EFCAB11: variants seen among roughly 807,000 people sequenced by gnomAD.
The protein encoded by EFCAB11 is EF-hand calcium-binding domain-containing protein 11.
Under a neutral mutation model 23.0 loss-of-function variants are expected in EFCAB11, and 14 were observed. The observed-to-expected ratio is 0.61, with a 90% confidence interval of 0.40 to 0.95. EFCAB11 has a LOEUF of 0.95. Ranked by LOEUF, EFCAB11 falls within the 40% of genes least tolerant of loss-of-function variation. The pLI is 0.00. For synonymous variants in EFCAB11, 65 were observed against 66.6 expected, an observed-to-expected ratio of 0.98 and a Z score of 0.11; for missense variants, 198 against 195.8, an observed-to-expected ratio of 1.01 and a Z score of -0.07.
Position 89,796,290 on chromosome 14 carries a change from TTA to T in EFCAB11, c.*951_*952del. On this transcript the variant is annotated 3_prime_UTR_variant, in exon 6 of 6. Coordinates refer to ENST00000316738, the MANE Select transcript of EFCAB11 (RefSeq NM_145231.4). The stretch of plus-strand genomic sequence containing the variant: ...CAGGGACATTATCTTAGAGAAGTCT[TTA>T]TATGTTTTTTTTTAATTGAAAGTGT... 1 of 152,276 alleles carries T rather than the reference TTA, an allele frequency of 6.6e-6. No individual in the cohort carries two copies. The highest frequency in any genetic ancestry group is 1.5e-5 in the Non-Finnish European group (1 of 68,034). The allele number at this position is 152,276 out of a possible 1,614,324, so 9.4% of individuals were successfully genotyped here. A position where few individuals can be genotyped will look rare whatever the true frequency, so the allele number is the denominator to read the frequency against.
intron 5 of EFCAB11, among the ~76,000 whole-genome samples, chr14:89,809,979 T>C (rs778803750): frequency 2.6e-5 from 4 of 152,242 alleles, no homozygotes; most frequent in Non-Finnish European, 4.4e-5. Flanking sequence ...ACCCGGATTT[T>C]AGAAGTATTT....
At position 89,797,063 on chromosome 14, in the gene EFCAB11, C is replaced by T; in HGVS notation, c.*180G>A. The T allele has an allele frequency of 2.8e-6, 1 of 363,226 alleles. No individual in the cohort carries two copies. 22.5% of individuals were successfully genotyped at this position (363,226 alleles called of 1,614,324 possible). ...TTATTGCATGCCTGTGCCAAAATAT[C>T]TCCCGTAACCCATATATGTGTGTGT... is the stretch of plus-strand genomic sequence containing the variant. On this transcript the variant is annotated 3_prime_UTR_variant, in exon 6 of 6. Transcript: ENST00000316738.
At chr14:89,890,687 C>T (rs955022700) in intron 5 of EFCAB11, among the ~76,000 whole-genome samples, 3 of 152,272 alleles carry the variant, frequency 2.0e-5, no homozygotes, top group African/African-American at 2.4e-5. Context: ...AAAAGAGCTG[C>T]CAGGCCAAAT....
chr14:89,881,604 C>T (rs1888605729), intron 5 of EFCAB11, among the ~76,000 whole-genome samples: 1 of 150,920 alleles, frequency 6.6e-6, no homozygotes, highest in South Asian at 2.1e-4. Context: ...TTCACCACCA[C>T]ACCTGGCTAA....
At chr14:89,806,072 G>C (rs1278041986) in intron 5 of EFCAB11, among the ~76,000 whole-genome samples, 1 of 152,118 alleles carries the variant, frequency 6.6e-6, no homozygotes, top group Non-Finnish European at 1.5e-5. Flanking sequence ...AGAGGCTATT[G>C]AGGGAACTAA....
Position 89,927,910 on chromosome 14 carries a change from A to T in EFCAB11, c.410+3631T>A, listed in dbSNP as rs958401711. Among the ~76,000 whole-genome samples, 5 of 152,056 alleles carry T rather than the reference A, an allele frequency of 3.3e-5. 1 individual carries two copies. Among genetic ancestry groups the T allele is most frequent in the Admixed American group, 1.3e-4 (2 of 15,268 alleles). The stretch of plus-strand genomic sequence containing the variant: ...CTAATTCTTGTACTTTTTAGTATAG[A>T]TGGAGTTTCGCCATGTTGGCCAGGC... On this transcript the variant is annotated intron_variant, in intron 5 of 5. Coordinates refer to ENST00000316738, the MANE Select transcript of EFCAB11 (RefSeq NM_145231.4).
chr14:89,931,943 G>A (rs1356235561), intron 4 of EFCAB11, among the ~76,000 whole-genome samples: 1 of 152,136 alleles, frequency 6.6e-6, no homozygotes, highest in Non-Finnish European at 1.5e-5. Flanking sequence ...GTTAGACTTT[G>A]AGTCTTTGCG....
intron 3 of EFCAB11, among the ~76,000 whole-genome samples, chr14:89,937,514 T>C (rs1890626279): frequency 6.6e-6 from 1 of 152,124 alleles, no homozygotes; most frequent in East Asian, 1.9e-4. Flanking sequence ...ATGGACTCTC[T>C]TCATGTTCTA....
At chr14:89,805,769 T>C (rs1885947970) in intron 5 of EFCAB11, among the ~76,000 whole-genome samples, 1 of 152,126 alleles carries the variant, frequency 6.6e-6, no homozygotes, top group Admixed American at 6.6e-5. Context: ...GAAATGGATT[T>C]TCTGCTACTT....
At chr14:89,907,619 T>C (rs1298632226) in intron 5 of EFCAB11, among the ~76,000 whole-genome samples, 1 of 152,210 alleles carries the variant, frequency 6.6e-6, no homozygotes, top group East Asian at 1.9e-4. Context: ...GAAACTGAAC[T>C]GGAAAGGCCT....
chr14:89,875,745 G>A lies in EFCAB11; in HGVS notation c.410+55796C>T, dbSNP rs1312586958. On this transcript the variant is annotated intron_variant, in intron 5 of 5. Transcript: ENST00000316738. Reference sequence around the variant, plus strand: ...CGTTCAGTAGGAGTTGAAGATGGGGGTGAGACACTGAGAAAACCAAGCTGA... The same window carrying A: ...CGTTCAGTAGGAGTTGAAGATGGGGATGAGACACTGAGAAAACCAAGCTGA... 2.6e-5 allele frequency among the ~76,000 whole-genome samples: 4 copies of A among 152,182 alleles called. No homozygotes were observed. In the East Asian group the frequency reaches 7.7e-4, roughly 29 times the overall value.
chr14:89,920,597 C>T (rs1285504136), intron 5 of EFCAB11, among the ~76,000 whole-genome samples: 1 of 152,214 alleles, frequency 6.6e-6, no homozygotes, highest in Non-Finnish European at 1.5e-5. Context: ...GGAGCCCAAC[C>T]CAAGATGTTC....
chr14:89,836,849 T>C (rs1453775841), intron 5 of EFCAB11, among the ~76,000 whole-genome samples: 1 of 152,058 alleles, frequency 6.6e-6, no homozygotes, highest in Admixed American at 6.6e-5. Flanking sequence ...TAAAACCTCG[T>C]CTCTACTAAA....
intron 5 of EFCAB11, among the ~76,000 whole-genome samples, chr14:89,835,339 C>T (rs978287946): frequency 9.9e-5 from 15 of 152,006 alleles, no homozygotes; most frequent in Admixed American, 2.6e-4. Flanking sequence ...TCTGCATATA[C>T]GTAATGAGAT....
intron 5 of EFCAB11, among the ~76,000 whole-genome samples, chr14:89,857,642 T>C (rs888984850): frequency 2.6e-5 from 4 of 152,172 alleles, no homozygotes; most frequent in Non-Finnish European, 5.9e-5. Context: ...TGGCACTTGC[T>C]CCTCTAATCC....
At chr14:89,885,891 T>C (rs1888755606) in intron 5 of EFCAB11, among the ~76,000 whole-genome samples, 1 of 147,654 alleles carries the variant, frequency 6.8e-6, no homozygotes, top group African/African-American at 2.5e-5. Flanking sequence ...TCTTTTTTTT[T>C]CTTTGGTGGA....
rs1220178852 is a variant in EFCAB11 at position 89,844,937 on chromosome 14, T to C, written c.411-47613A>G. The stretch of plus-strand genomic sequence containing the variant: ...ACTTCCAGCTCTGTATCTCGCACTG[T>C]GGGTGTGTTGGAGGAGGCAGTGAGG... On this transcript the variant is annotated intron_variant, in intron 5 of 5. Coordinates refer to ENST00000316738, the MANE Select transcript of EFCAB11 (RefSeq NM_145231.4). 2.0e-5 allele frequency among the ~76,000 whole-genome samples: 3 copies of C among 148,692 alleles called. No individual in the cohort carries two copies. In the Admixed American group the frequency reaches 2.1e-4, roughly 10 times the overall value.
chr14:89,922,695 A>G (rs115528042), intron 5 of EFCAB11, among the ~76,000 whole-genome samples: 2,181 of 152,184 alleles, frequency 0.014, 52 homozygotes, highest in African/African-American at 0.049. Flanking sequence ...GACCTACAAA[A>G]CTGTGCTACG....
chr14:89,917,595 C>G (rs1282813243), intron 5 of EFCAB11, among the ~76,000 whole-genome samples: 2 of 152,168 alleles, frequency 1.3e-5, no homozygotes, highest in Non-Finnish European at 2.9e-5. Context: ...ATTCAGTCTA[C>G]TCCATCATTA....
Sources: gnomAD v4.1 joint callset for allele counts (sites outside exome capture counted in the v4.1 genomes callset) on GRCh38, gnomAD v4.1.1 for gene constraint, MANE v1.5 for transcripts, NCBI Gene and HGNC (gene_info 2026-07-23, HGNC 2026-07-21) for gene names.